The following MINK1 variants were observed in gnomAD, a reference collection of about 807,000 sequenced individuals.
The protein encoded by MINK1 is misshapen like kinase 1.
In MINK1, 46 loss-of-function variants were observed where a neutral mutation model predicts 178.4. The ratio of observed to expected loss-of-function variants is 0.26; its 90% CI spans 0.20 to 0.33. The LOEUF (loss-of-function observed/expected upper bound fraction) is 0.33. Ranked by LOEUF, MINK1 falls within the 10% of genes least tolerant of loss-of-function variation. The pLI, the probability that MINK1 is intolerant of heterozygous loss-of-function variation, is 1.00. For synonymous variants in MINK1, 797 were observed against 709.7 expected, an observed-to-expected ratio of 1.12 and a Z score of -1.96; for missense variants, 1,366 against 1,814.9, an observed-to-expected ratio of 0.75 and a Z score of 4.49.
At chr17:4,842,484 A>T (rs1322536720) in intron 1 of MINK1, among the ~76,000 whole-genome samples, 2 of 152,172 alleles carry the variant, frequency 1.3e-5, no homozygotes, top group African/African-American at 4.8e-5. Flanking sequence ...TGTGGGCTCT[A>T]AATTACCCTT....
chr17:4,842,361 G>T (rs1910384563), intron 1 of MINK1, among the ~76,000 whole-genome samples: 2 of 152,192 alleles, frequency 1.3e-5, no homozygotes, highest in African/African-American at 4.8e-5. Context: ...TACCTCTCAT[G>T]AACTTGTTAT....
At chr17:4,869,117 G>C (rs1915479662) in intron 1 of MINK1, among the ~76,000 whole-genome samples, 1 of 151,534 alleles carries the variant, frequency 6.6e-6, no homozygotes, top group Non-Finnish European at 1.5e-5. Context: ...GTAGAGACGG[G>C]GTTTCATCAT....
rs1286151309 is a variant in MINK1, at chr17:4,897,291, G to T, written c.*4G>T. 1 of 1,613,478 alleles carries T rather than the reference G, an allele frequency of 6.2e-7. No homozygotes were observed. Among genetic ancestry groups the T allele is most frequent in the South Asian group, 1.1e-5 (1 of 91,034 alleles). On this transcript the variant is annotated 3_prime_UTR_variant, in exon 32 of 32. Coordinates refer to ENST00000355280, the MANE Select transcript of MINK1 (RefSeq NM_153827.5). ...TAACTGCATCATGAACTGGTGACGGGGCCCTGGGCTGGGGCTGTCCCACAC... is the reference window on the plus strand; with the variant it reads ...TAACTGCATCATGAACTGGTGACGGTGCCCTGGGCTGGGGCTGTCCCACAC...
Position 4,891,733 on chromosome 17 carries a change from A to G in MINK1, c.2001+17A>G. On this transcript the variant is annotated intron_variant, in intron 16 of 31. Transcript: ENST00000355280. ...CCACCCAAGGTAAGGACAGTTCTGC[A>G]GGCCCAGGGAAAAGCAGAGAGCTAG... is the stretch of plus-strand genomic sequence containing the variant. The G allele has an allele frequency of 6.3e-7, 1 of 1,589,620 alleles. No homozygotes were observed. The highest frequency in any genetic ancestry group is 1.8e-5 in the Admixed American group (1 of 56,510).
At position 4,886,960 on chromosome 17, in the gene MINK1, C is replaced by T. The variant is rs1230960777; in HGVS notation, c.950-150C>T. The T allele has an allele frequency of 1.3e-6, 1 of 747,326 alleles. No individual in the cohort carries two copies. The highest frequency in any genetic ancestry group is 2.2e-6 in the Non-Finnish European group (1 of 452,820). 46.3% of individuals were successfully genotyped at this position (747,326 alleles called of 1,614,324 possible). ...GTCCTGTCCAGGCCCACACCTGAGA[C>T]CCGCTGTCCTCCCATTGCCCCCAGG... On this transcript the variant is annotated intron_variant, in intron 10 of 31. Coordinates refer to ENST00000355280, the MANE Select transcript of MINK1 (RefSeq NM_153827.5). This position sits in a 1 kb window ranked among gnomAD's most constrained non-coding sequence, Gnocchi z 6.1.
chr17:4,892,537 C>A, intron 18 of MINK1, 25 bp downstream of exon 18: 3 of 1,530,424 alleles, frequency 2.0e-6, no homozygotes, highest in Non-Finnish European at 2.7e-6. Context: ...CCCCAACTCA[C>A]TCTCACCTCT....
Position 4,891,708 on chromosome 17 carries a change from C to T in MINK1, c.1993C>T (p.Pro665Ser), listed in dbSNP as rs760031627. 6.2e-7 allele frequency: 1 copy of T among 1,602,390 alleles called. No homozygotes were observed. The highest frequency in any genetic ancestry group is 1.7e-5 in the Admixed American group (1 of 58,040). Reference protein sequence around the residue: ...PAWVRPDNEAPPKVPQRTSSI... With the variant: ...PAWVRPDNEASPKVPQRTSSI... The stretch of plus-strand genomic sequence containing the variant: ...CTGGGTCCGCCCAGATAACGAGGCC[C>T]CACCCAAGGTAAGGACAGTTCTGCA... Residue 665 changes from proline (P) to serine (S), a missense_variant, in exon 16 of 32, where the codon CCA becomes TCA. Coordinates refer to ENST00000355280, the MANE Select transcript of MINK1 (RefSeq NM_153827.5).
intron 12 of MINK1, among the ~76,000 whole-genome samples, chr17:4,889,190 C>G (rs1968520669): frequency 6.6e-6 from 1 of 152,182 alleles, no homozygotes; most frequent in Non-Finnish European, 1.5e-5. Flanking sequence ...GGCACTGGTG[C>G]TTGTCAAGGA....
At chr17:4,880,622 G>A (rs1266384279) in intron 2 of MINK1, among the ~76,000 whole-genome samples, 4 of 149,018 alleles carry the variant, frequency 2.7e-5, no homozygotes, top group Non-Finnish European at 1.5e-5. Flanking sequence ...CAGTCGGGCC[G>A]GGCGCGGTGG....
chr17:4,880,363 T>C (rs1328450335), intron 2 of MINK1, among the ~76,000 whole-genome samples: 1 of 149,806 alleles, frequency 6.7e-6, no homozygotes, highest in Non-Finnish European at 1.5e-5. Context: ...AGTGGCACAG[T>C]CTCGGCTTGC....
At chr17:4,851,634 C>T (rs969514097) in intron 1 of MINK1, among the ~76,000 whole-genome samples, 6 of 152,204 alleles carry the variant, frequency 3.9e-5, no homozygotes, top group South Asian at 2.1e-4. Flanking sequence ...CATTGTCTCC[C>T]GACCTCTTTG....
At chr17:4,838,017 C>T (rs1245541541) in intron 1 of MINK1, among the ~76,000 whole-genome samples, 4 of 152,176 alleles carry the variant, frequency 2.6e-5, no homozygotes, top group Non-Finnish European at 5.9e-5. Context: ...TGCTGAGCAA[C>T]GTGGGACTGC....
At chr17:4,851,635 G>A (rs1465549060) in intron 1 of MINK1, among the ~76,000 whole-genome samples, 1 of 151,666 alleles carries the variant, frequency 6.6e-6, no homozygotes, top group African/African-American at 2.4e-5. Flanking sequence ...ATTGTCTCCC[G>A]ACCTCTTTGG....
intron 1 of MINK1, among the ~76,000 whole-genome samples, chr17:4,842,880 G>C (rs1910465615): frequency 6.6e-6 from 1 of 152,180 alleles, no homozygotes. Context: ...ACATCTGGGG[G>C]AGTGACCAGA....
intron 1 of MINK1, chr17:4,834,880 C>G (rs1320608929): frequency 3.8e-6 from 2 of 519,836 alleles, no homozygotes; most frequent in East Asian, 5.4e-5. Context: ...ACACAGGTGC[C>G]CCGGATATGG....
intron 1 of MINK1, chr17:4,860,892 C>CT: frequency 2.1e-6 from 1 of 466,042 alleles, no homozygotes; most frequent in Non-Finnish European, 4.3e-6. Flanking sequence ...GCTGGGGAAA[C>CT]TAATACACTT....
At chr17:4,880,100 A>C (rs999627537) in intron 2 of MINK1, among the ~76,000 whole-genome samples, 1 of 152,148 alleles carries the variant, frequency 6.6e-6, no homozygotes, top group African/African-American at 2.4e-5. Context: ...GGAACAGAAC[A>C]TAAATGTTTC....
At chr17:4,877,196 C>T (rs1256638270) in intron 1 of MINK1, among the ~76,000 whole-genome samples, 1 of 151,586 alleles carries the variant, frequency 6.6e-6, no homozygotes, top group Non-Finnish European at 1.5e-5. Flanking sequence ...ATTTCTTTCT[C>T]TCAAAAAAAA....
At chr17:4,877,814 T>TC (rs1420185849) in intron 1 of MINK1, among the ~76,000 whole-genome samples, 5 of 146,672 alleles carry the variant, frequency 3.4e-5, no homozygotes, top group Non-Finnish European at 7.5e-5. Context: ...CACTTCTTTT[T>TC]TTTTTTTTTT....
Sources: gnomAD v4.1 joint callset for allele counts (sites outside exome capture counted in the v4.1 genomes callset) on GRCh38, gnomAD v4.1.1 for gene constraint, Gnocchi (gnomAD v3.1) non-coding constraint, MANE v1.5 for transcripts, NCBI Gene and HGNC (gene_info 2026-07-23, HGNC 2026-07-21) for gene names.